CSMD1: variants seen among roughly 807,000 people sequenced by gnomAD.
The protein encoded by CSMD1 is CUB and sushi domain-containing protein 1.
In CSMD1, 213 loss-of-function variants were observed where a neutral mutation model predicts 417.5. The observed-to-expected ratio is 0.51, with a 90% confidence interval of 0.46 to 0.57. The LOEUF (loss-of-function observed/expected upper bound fraction) is 0.57, where lower values mean the gene tolerates loss of function less well. Ranked by LOEUF, CSMD1 falls within the 20% of genes least tolerant of loss-of-function variation. The pLI, the probability that CSMD1 is intolerant of heterozygous loss-of-function variation, is 0.00. For synonymous variants in CSMD1, 2,862 were observed against 1,736.8 expected (o/e 1.65, Z -16.11); for missense variants, 6,923 against 4,529.7 (o/e 1.53, Z -15.17).
intron 7 of CSMD1, among the ~76,000 whole-genome samples, chr8:3,664,947 A>G (rs1047365880): frequency 6.6e-5 from 10 of 152,130 alleles, no homozygotes; most frequent in African/African-American, 2.4e-4. Flanking sequence ...TGCGTCAAAG[A>G]TTTCAATACA....
chr8:3,003,512 T>C (rs1039318422), intron 52 of CSMD1, among the ~76,000 whole-genome samples: 1 of 152,234 alleles, frequency 6.6e-6, no homozygotes, highest in African/African-American at 2.4e-5. Context: ...ACCTCACCAC[T>C]GGGCAGTCAT....
chr8:4,117,704 G>T (rs1475515293), intron 3 of CSMD1, among the ~76,000 whole-genome samples: 1 of 152,120 alleles, frequency 6.6e-6, no homozygotes, highest in African/African-American at 2.4e-5. Flanking sequence ...TCTCTAGTCA[G>T]TAACTTCATC....
chr8:3,753,779 C>T (rs2129053778), intron 6 of CSMD1, 151 bp downstream of exon 6: 6 of 533,404 alleles, frequency 1.1e-5, no homozygotes, highest in East Asian at 6.4e-5. Context: ...TCCCAGCTGT[C>T]GACTATATGA....
At chr8:3,754,574 C>T (rs900203139) in intron 5 of CSMD1, among the ~76,000 whole-genome samples, 4 of 152,122 alleles carry the variant, frequency 2.6e-5, no homozygotes, top group Admixed American at 2.6e-4. Flanking sequence ...CCTCCCACAG[C>T]CTCCTGAGTA....
intron 10 of CSMD1, among the ~76,000 whole-genome samples, chr8:3,566,128 A>T (rs1012685919): frequency 2.6e-5 from 4 of 152,058 alleles, no homozygotes; most frequent in African/African-American, 9.7e-5. Flanking sequence ...GAGAGGGAAA[A>T]GATGGAGGAG....
chr8:4,394,882 A>C (rs905382932), intron 3 of CSMD1, among the ~76,000 whole-genome samples: 2 of 152,058 alleles, frequency 1.3e-5, no homozygotes, highest in African/African-American at 2.4e-5. Context: ...CCTTGTCTAC[A>C]CGTCTGTTTT....
At chr8:3,784,923 G>C (rs1799371394) in intron 5 of CSMD1, among the ~76,000 whole-genome samples, 2 of 152,116 alleles carry the variant, frequency 1.3e-5, no homozygotes, top group South Asian at 4.1e-4. Flanking sequence ...GTCAAAACAA[G>C]TTTCCTGTTG....
Position 3,106,613 on chromosome 8 carries a change from G to A in CSMD1, c.6864C>T (p.Pro2288=), listed in dbSNP as rs377070516. 94 of 1,612,918 alleles carry A rather than the reference G, an allele frequency of 5.8e-5. No individual in the cohort carries two copies. Among genetic ancestry groups the A allele is most frequent in the African/African-American group, 4.0e-5 (3 of 74,868 alleles). ...TGTCGGTCCCCACCAAGGTGTACCC[G>A]GGGTGGCACTGGTACTTCACAAAAT... ...IGDFVKYQCH[P]GYTLVGTDIL... The change falls in exon 46 of 70, where the codon CCC becomes CCT. Residue 2288 remains proline, a synonymous_variant. Coordinates refer to ENST00000635120, the MANE Select transcript of CSMD1 (RefSeq NM_033225.6).
At position 3,942,083 on chromosome 8, in the gene CSMD1, G is replaced by C. The variant is rs1359912153; in HGVS notation, c.818+55820C>G. Among the ~76,000 whole-genome samples, 7 of 152,008 alleles carry C rather than the reference G, an allele frequency of 4.6e-5. No individual in the cohort carries two copies. The South Asian group carries it at 6.2e-4, about 14-fold the overall frequency. ...GGCATGCAAGGGATCTAGGTTTCGA[G>C]CTCCTTGTGAGAATCTAATGCCTGA... On this transcript the variant is annotated intron_variant, in intron 5 of 69. Coordinates refer to ENST00000635120, the MANE Select transcript of CSMD1 (RefSeq NM_033225.6).
Position 4,314,954 on chromosome 8 carries a change from A to C in CSMD1, c.415+104999T>G, listed in dbSNP as rs544645175. On this transcript the variant is annotated intron_variant, in intron 3 of 69. Coordinates refer to ENST00000635120, the MANE Select transcript of CSMD1 (RefSeq NM_033225.6). ...AGGAAAAGTGGGGTTGACATTCTAC[A>C]TGGTGGGAGGAGGTTTCACCTTCCC... is the stretch of plus-strand genomic sequence containing the variant. Among the ~76,000 whole-genome samples, 3 of 152,188 alleles carry C rather than the reference A, an allele frequency of 2.0e-5. No homozygotes were observed. In the East Asian group the frequency reaches 5.8e-4, roughly 29 times the overall value.
chr8:3,586,170 G>C lies in CSMD1; in HGVS notation c.1188C>G (p.Leu396=), dbSNP rs376686325. ...SITCQRVTET[L]AAWSDHRPIC... ...TGGGCCTGTGGTCACTCCAAGCAGC[G>C]AGCGTCTCTGTAACTCTCTGACAGG... The change falls in exon 9 of 70, where the codon CTC becomes CTG. Residue 396 remains leucine, a synonymous_variant. Coordinates refer to ENST00000635120, the MANE Select transcript of CSMD1 (RefSeq NM_033225.6). 8.0e-5 allele frequency: 129 copies of C among 1,612,528 alleles called. No individual in the cohort carries two copies. Among genetic ancestry groups the C allele is most frequent in the Non-Finnish European group, 9.8e-5 (116 of 1,179,392 alleles).
At chr8:4,781,615 T>A (rs1166249085) in intron 1 of CSMD1, among the ~76,000 whole-genome samples, 3 of 152,234 alleles carry the variant, frequency 2.0e-5, no homozygotes, top group African/African-American at 7.2e-5. Flanking sequence ...TCTATTGTTG[T>A]ACTTTCTGAT....
chr8:4,926,623 A>G (rs1340201625), intron 1 of CSMD1, among the ~76,000 whole-genome samples: 2 of 152,240 alleles, frequency 1.3e-5, no homozygotes, highest in African/African-American at 2.4e-5. Context: ...GCATGTATAT[A>G]GTTCCTTAAT....
chr8:4,636,583 A>G lies in CSMD1; in HGVS notation c.302+759T>C, dbSNP rs2130856833. On this transcript the variant is annotated intron_variant, in intron 2 of 69. Coordinates refer to ENST00000635120, the MANE Select transcript of CSMD1 (RefSeq NM_033225.6). ...TTTATCTTTGTTCTTTTTCTCTCAAACTCACAGTTGCTTAAAAACAATGGT... is the reference window on the plus strand; with the variant it reads ...TTTATCTTTGTTCTTTTTCTCTCAAGCTCACAGTTGCTTAAAAACAATGGT... 1.3e-5 allele frequency among the ~76,000 whole-genome samples: 2 copies of G among 152,246 alleles called. 1 individual carries two copies. Among genetic ancestry groups the G allele is most frequent in the South Asian group, 4.1e-4 (2 of 4,824 alleles).
Position 3,142,633 on chromosome 8 carries a change from G to C in CSMD1, c.6073C>G (p.His2025Asp), listed in dbSNP as rs1363261918. The change falls in exon 41 of 70, where the codon CAT (histidine) becomes GAT (aspartate). Residue 2025 changes from histidine (H) to aspartate (D), a missense_variant. Transcript: ENST00000635120. ...QFLNFSTEAN[H>D]DFLEIQNGPY... is the part of the protein sequence containing the mutation. ...CCATTTTGAATTTCAAGGAAGTCAT[G>C]ATTAGCTTCGGTAGAAAAATTCAGA... 7 of 1,613,850 alleles carry C rather than the reference G, an allele frequency of 4.3e-6. No homozygotes were observed. In the South Asian group the frequency reaches 7.7e-5, roughly 18 times the overall value.
At position 3,106,515 on chromosome 8, in the gene CSMD1, G is replaced by T. The variant is rs577494742; in HGVS notation, c.6949+13C>A. On this transcript the variant is annotated intron_variant, in intron 46 of 69. Transcript: ENST00000635120. The stretch of plus-strand genomic sequence containing the variant: ...AATAAGTTTATGTAGTTTTAGTATC[G>T]AACAGTGCATACCTTCACATGTTGG... The T allele has an allele frequency of 6.5e-7, 1 of 1,538,648 alleles. No homozygotes were observed. Among genetic ancestry groups the T allele is most frequent in the Non-Finnish European group, 9.0e-7 (1 of 1,114,934 alleles).
In CSMD1 at chr8:4,994,697, G is replaced by C; in HGVS notation, c.-281C>G. 2 of 389,188 alleles carry C rather than the reference G, an allele frequency of 5.1e-6. No individual in the cohort carries two copies. The highest frequency in any genetic ancestry group is 9.2e-6 in the Non-Finnish European group (2 of 217,470). The allele number at this position is 389,188 out of a possible 1,614,324, so 24.1% of individuals were successfully genotyped here. A position where few individuals can be genotyped will look rare whatever the true frequency, so the allele number is the denominator to read the frequency against. ...GACGAGCGCCGGCCGAGCCGGGCAG[G>C]AAGGCACCAAGGCGGCGAGGCTGCG... On this transcript the variant is annotated 5_prime_UTR_variant, in exon 1 of 70. Transcript: ENST00000635120.
intron 5 of CSMD1, among the ~76,000 whole-genome samples, chr8:3,801,746 G>C (rs1423219212): frequency 2.6e-5 from 4 of 152,054 alleles, no homozygotes; most frequent in Non-Finnish European, 5.9e-5. Flanking sequence ...TGATGACTCT[G>C]GACAAACTAA....
intron 1 of CSMD1, among the ~76,000 whole-genome samples, chr8:4,870,530 G>C (rs146357670): frequency 6.6e-6 from 1 of 152,096 alleles, no homozygotes; most frequent in Non-Finnish European, 1.5e-5. Flanking sequence ...CAAGGAGTCT[G>C]CATACATTCC....
Sources: allele counts gnomAD v4.1 joint callset (sites outside exome capture counted in the v4.1 genomes callset), GRCh38; gene constraint gnomAD v4.1.1; transcripts MANE v1.5; gene names NCBI Gene and HGNC (gene_info 2026-07-23, HGNC 2026-07-21).